HMCN2: variants seen among roughly 807,000 people sequenced by gnomAD.
HMCN2 encodes the protein hemicentin 2.
Under a neutral mutation model 377.5 loss-of-function variants are expected in HMCN2, and 325 were observed. The observed-to-expected ratio is 0.86, with a 90% CI of 0.79 to 0.94. The LOEUF (loss-of-function observed/expected upper bound fraction) is 0.94, where lower values mean the gene tolerates loss of function less well. Ranked by LOEUF, HMCN2 falls within the 40% of genes least tolerant of loss-of-function variation. HMCN2 has a pLI of 0.00. For missense variants in HMCN2, 4,543 were observed against 4,725.3 expected (o/e 0.96, Z 1.13); for synonymous variants, 2,007 against 2,046.8 (o/e 0.98, Z 0.53).
chr9:130,343,952 A>G (rs1839199091), intron 25 of HMCN2, among the ~76,000 whole-genome samples: 1 of 152,182 alleles, frequency 6.6e-6, no homozygotes, highest in Non-Finnish European at 1.5e-5. Flanking sequence ...GTGAAGGCCC[A>G]GAGCCTGGAC....
rs1227436801 is a variant in HMCN2 at position 130,394,712 on chromosome 9, T to C, written c.10692+137T>C. ...TGTGTGGGGTGTGAGGGTGTGGAGG[T>C]GACCCACCTTGGCCGTGCCCTTGGG... On this transcript the variant is annotated intron_variant, in intron 69 of 97. Coordinates refer to ENST00000683500, the MANE Select transcript of HMCN2 (RefSeq NM_001291815.2). The surrounding 1 kb of genome is among the most constrained non-coding windows in gnomAD (Gnocchi z 5.1). 1 of 703,494 alleles carries C rather than the reference T, an allele frequency of 1.4e-6. No homozygotes were observed. Among genetic ancestry groups the C allele is most frequent in the Non-Finnish European group, 2.0e-6 (1 of 496,250 alleles). The allele number at this position is 703,494 out of a possible 1,614,324, so 43.6% of individuals were successfully genotyped here.
chr9:130,285,700 C>T (rs782002790), intron 3 of HMCN2, among the ~76,000 whole-genome samples: 9 of 152,196 alleles, frequency 5.9e-5, no homozygotes, highest in African/African-American at 9.6e-5. Flanking sequence ...GAAGACCTGT[C>T]GGATCCCTTG....
chr9:130,287,076 C>G (rs1307549563), intron 4 of HMCN2, among the ~76,000 whole-genome samples: 1 of 152,164 alleles, frequency 6.6e-6, no homozygotes, highest in Non-Finnish European at 1.5e-5. Flanking sequence ...GCTCCCACCT[C>G]GGCTGATTCC....
intron 43 of HMCN2, among the ~76,000 whole-genome samples, chr9:130,366,932 G>GT (rs1245942669): frequency 1.5e-5 from 2 of 131,336 alleles, no homozygotes; most frequent in Non-Finnish European, 3.6e-5. Flanking sequence ...AAGCTAGGAA[G>GT]CGGGAAAGAT....
At chr9:130,328,333 G>A (rs1360634118) in intron 22 of HMCN2, among the ~76,000 whole-genome samples, 1 of 152,114 alleles carries the variant, frequency 6.6e-6, no homozygotes, top group Non-Finnish European at 1.5e-5. Flanking sequence ...GCGGGGGGCC[G>A]TGGGAGCCCA....
At chr9:130,374,361 G>T in intron 48 of HMCN2, 141 bp from the exon 49 acceptor site, 1 of 249,912 alleles carries the variant, frequency 4.0e-6, no homozygotes, top group Non-Finnish European at 6.4e-6. Context: ...ACAGGCTGCT[G>T]CTGCTTCTTC....
Position 130,299,248 on chromosome 9 carries a change from C to G in HMCN2, c.1236C>G (p.Leu412=). The G allele has an allele frequency of 2.1e-6, 1 of 470,870 alleles. No individual in the cohort carries two copies. Among genetic ancestry groups the G allele is most frequent in the African/African-American group, 2.0e-5 (1 of 50,172 alleles). The allele number at this position is 470,870 out of a possible 1,614,324, so 29.2% of individuals were successfully genotyped here. A position where few individuals can be genotyped will look rare whatever the true frequency, so the allele number is the denominator to read the frequency against. ...GCAAGGACCATGAGGGAAACCCCCT[C>G]CTTCGTGTCTCTGGAGTGTCCTACA... ...VKGKDHEGNP[L]LRVSGVSYSG... The change falls in exon 8 of 98, where the codon CTC becomes CTG. Residue 412 remains leucine, a synonymous_variant. Transcript: ENST00000683500.
Position 130,423,394 on chromosome 9 carries a change from G to A in HMCN2, c.13381+668G>A, listed in dbSNP as rs1332486789. On this transcript the variant is annotated intron_variant, in intron 87 of 97. Coordinates refer to ENST00000683500, the MANE Select transcript of HMCN2 (RefSeq NM_001291815.2). This position sits in a 1 kb window ranked among gnomAD's most constrained non-coding sequence, Gnocchi z 5.5. ...TGAAGCTGCCCTTGGCCATGGTCCC[G>A]CATGAGCAGTGTGGGGTCAGGGGAT... 5.3e-5 allele frequency among the ~76,000 whole-genome samples: 8 copies of A among 152,156 alleles called. No homozygotes were observed. Among genetic ancestry groups the A allele is most frequent in the African/African-American group, 1.7e-4 (7 of 41,420 alleles).
intron 7 of HMCN2, among the ~76,000 whole-genome samples, chr9:130,297,216 T>C (rs1199762807): frequency 6.6e-6 from 1 of 152,214 alleles, no homozygotes; most frequent in Non-Finnish European, 1.5e-5. Context: ...GTTGATGGCT[T>C]ACCAAAAAGG....
rs779339198 is a variant in HMCN2, at chr9:130,399,602, G to T, written c.11575G>T (p.Ala3859Ser). ...ECVVSNEVGE[A>S]HRLYQVTVHV... ...CGTGGTGAGCAATGAGGTGGGCGAG[G>T]CCCACAGGCTCTACCAGGTGACCGT... Residue 3859 changes from alanine (A) to serine (S), a missense_variant, in exon 76 of 98, where the codon GCC becomes TCC. By Grantham distance (99) the Ala-to-Ser change is moderately conservative. Around this residue, in one of 5 missense-constraint regions of HMCN2, gnomAD observed 1,073 missense variants for 1,319.5 expected, o/e 0.81. Coordinates refer to ENST00000683500, the MANE Select transcript of HMCN2 (RefSeq NM_001291815.2). 1 of 1,289,790 alleles carries T rather than the reference G, an allele frequency of 7.8e-7. No homozygotes were observed. Among genetic ancestry groups the T allele is most frequent in the South Asian group, 1.2e-5 (1 of 81,004 alleles). The allele number at this position is 1,289,790 out of a possible 1,614,324, so 79.9% of individuals were successfully genotyped here.
intron 75 of HMCN2, 148 bp downstream of exon 75, chr9:130,398,855 T>C: frequency 1.6e-6 from 1 of 627,106 alleles, no homozygotes; most frequent in Non-Finnish European, 2.3e-6. Flanking sequence ...ACTTTGGGGA[T>C]CAGAGAGTCT....
At chr9:130,324,121 A>G (rs1380959716) in intron 19 of HMCN2, among the ~76,000 whole-genome samples, 2 of 152,152 alleles carry the variant, frequency 1.3e-5, no homozygotes, top group Non-Finnish European at 2.9e-5. Context: ...CATCTCCAGG[A>G]CTTTCTCATC....
Position 130,391,029 on chromosome 9 carries a change from C to A in HMCN2, c.9576C>A (p.Ser3192Arg), listed in dbSNP as rs186101259. The A allele has an allele frequency of 4.0e-4, 396 of 987,710 alleles. 1 individual carries two copies. The African/African-American group carries it at 6.5e-3, about 16-fold the overall frequency. The allele number at this position is 987,710 out of a possible 1,614,324, so 61.2% of individuals were successfully genotyped here. ...VVSRGGRLQL[S>R]RLQPAQAGTY... ...CCCGGGGGGGCCGCCTCCAGCTGAG[C>A]CGCCTGCAACCGGCCCAGGCGGGCA... is the stretch of plus-strand genomic sequence containing the variant. The change falls in exon 63 of 98, where the codon AGC (serine) becomes AGA (arginine). Residue 3192 changes from serine to arginine, a missense_variant. Ser to Arg is a moderately radical substitution (Grantham distance 110, BLOSUM62 -1). This residue lies in a region of HMCN2 where 736 missense variants were observed against 773.2 expected (regional missense o/e 0.95). Coordinates refer to ENST00000683500, the MANE Select transcript of HMCN2 (RefSeq NM_001291815.2).
At chr9:130,312,688 T>C (rs917833317) in intron 15 of HMCN2, among the ~76,000 whole-genome samples, 1 of 148,844 alleles carries the variant, frequency 6.7e-6, no homozygotes, top group Non-Finnish European at 1.5e-5. Flanking sequence ...CTTTCTTTTA[T>C]GGAGTCTCGC....
At chr9:130,390,414 T>C (rs1291453017) in intron 62 of HMCN2, among the ~76,000 whole-genome samples, 2 of 152,220 alleles carry the variant, frequency 1.3e-5, no homozygotes, top group Non-Finnish European at 2.9e-5. Flanking sequence ...GCGCTGGACA[T>C]GGGGCAGTTG....
intron 30 of HMCN2, among the ~76,000 whole-genome samples, chr9:130,352,325 C>A (rs780308601): frequency 6.6e-6 from 1 of 152,186 alleles, no homozygotes; most frequent in African/African-American, 2.4e-5. Flanking sequence ...ATTCTCGAGG[C>A]GTGGACTCCG....
rs1324229981 is a variant in HMCN2, at chr9:130,391,393, G to A, written c.9827+30G>A. On this transcript the variant is annotated intron_variant, in intron 64 of 97. Coordinates refer to ENST00000683500, the MANE Select transcript of HMCN2 (RefSeq NM_001291815.2). ...GACTTGGCCCATGCCCTCCCCAGAG[G>A]CGGTAGGGCCCATGTTCCCTTACGC... 3 of 987,680 alleles carry A rather than the reference G, an allele frequency of 3.0e-6. No homozygotes were observed. In the East Asian group the frequency reaches 3.4e-4, roughly 112 times the overall value. 61.2% of individuals were successfully genotyped at this position (987,680 alleles called of 1,614,324 possible).
chr9:130,385,793 G>A (rs900526747), intron 60 of HMCN2, 31 bp downstream of exon 60: 34 of 1,289,392 alleles, frequency 2.6e-5, no homozygotes, highest in Non-Finnish European at 3.3e-5. Context: ...GGGCAGCCAT[G>A]AGCGCTGCAG....
intron 7 of HMCN2, among the ~76,000 whole-genome samples, chr9:130,298,820 C>T (rs1237141399): frequency 6.6e-6 from 1 of 152,158 alleles, no homozygotes; most frequent in African/African-American, 2.4e-5. Flanking sequence ...TGTGGTGTTT[C>T]AGCACCACGG....
Sources: gnomAD v4.1 joint callset for allele counts (sites outside exome capture counted in the v4.1 genomes callset) on GRCh38, gnomAD v4.1.1 for gene constraint, gnomAD v4.1.1 regional missense constraint, Gnocchi (gnomAD v3.1) non-coding constraint, MANE v1.5 for transcripts, NCBI Gene and HGNC (gene_info 2026-07-23, HGNC 2026-07-21) for gene names.